The following TBC1D22A variants were observed in gnomAD, a reference collection of about 807,000 sequenced individuals.
The protein encoded by TBC1D22A is putative GTPase activator.
TBC1D22A carries 38 observed loss-of-function variants against 60.2 expected under a neutral mutation model. The observed-to-expected ratio is 0.63, with a 90% CI of 0.49 to 0.83. The LOEUF (loss-of-function observed/expected upper bound fraction) is 0.83, where lower values mean the gene tolerates loss of function less well. Ranked by LOEUF, TBC1D22A falls within the 40% of genes least tolerant of loss-of-function variation. The pLI, the probability that TBC1D22A is intolerant of heterozygous loss-of-function variation, is 0.00. For synonymous variants in TBC1D22A, 302 were observed against 281.7 expected, an observed-to-expected ratio of 1.07 and a Z score of -0.72; for missense variants, 628 against 701.0, an observed-to-expected ratio of 0.90 and a Z score of 1.18.
intron 11 of TBC1D22A, among the ~76,000 whole-genome samples, chr22:47,049,287 C>T (rs1032583438): frequency 6.6e-5 from 10 of 152,338 alleles, no homozygotes; most frequent in Non-Finnish European, 1.3e-4. Context: ...CTGGGCGAAC[C>T]TCTTGGTACT....
At chr22:46,790,224 C>T (rs1469701673) in intron 1 of TBC1D22A, among the ~76,000 whole-genome samples, 3 of 152,256 alleles carry the variant, frequency 2.0e-5, no homozygotes, top group African/African-American at 7.2e-5. Flanking sequence ...GCCCACGTTC[C>T]TTGGCATACA....
chr22:47,125,031 C>G (rs968973472), intron 12 of TBC1D22A, among the ~76,000 whole-genome samples: 2 of 152,042 alleles, frequency 1.3e-5, no homozygotes, highest in African/African-American at 4.8e-5. Flanking sequence ...GGGAGGCAGC[C>G]TTCATGCTGA....
At chr22:46,938,352 G>C (rs2071781514) in intron 8 of TBC1D22A, among the ~76,000 whole-genome samples, 1 of 152,194 alleles carries the variant, frequency 6.6e-6, no homozygotes, top group Admixed American at 6.5e-5. Context: ...AGGAGCAACA[G>C]GCTATACCAT....
At chr22:47,061,961 G>A (rs775738696) in intron 11 of TBC1D22A, among the ~76,000 whole-genome samples, 28 of 152,026 alleles carry the variant, frequency 1.8e-4, no homozygotes, top group Non-Finnish European at 2.9e-4. Context: ...GGTGGTGCAT[G>A]CCAGTGATCC....
chr22:47,037,224 C>T, intron 11 of TBC1D22A, 26 bp downstream of exon 11: 9 of 1,610,452 alleles, frequency 5.6e-6, no homozygotes, highest in Non-Finnish European at 5.9e-6. Context: ...CACCCTCCGC[C>T]ATGGGGGTGC....
intron 4 of TBC1D22A, among the ~76,000 whole-genome samples, chr22:46,850,631 A>C (rs1404771325): frequency 6.6e-6 from 1 of 152,248 alleles, no homozygotes; most frequent in Admixed American, 6.5e-5. Context: ...TTCCTCAAAC[A>C]GTTCAACATA....
chr22:46,876,785 C>T (rs933487650), intron 4 of TBC1D22A, among the ~76,000 whole-genome samples: 18 of 152,338 alleles, frequency 1.2e-4, no homozygotes, highest in African/African-American at 4.3e-4. Context: ...GTTCAGCTGC[C>T]TCTGGGCTGA....
chr22:46,865,845 C>T (rs2067028101), intron 4 of TBC1D22A, among the ~76,000 whole-genome samples: 1 of 152,112 alleles, frequency 6.6e-6, no homozygotes, highest in Non-Finnish European at 1.5e-5. Context: ...CTGTAGATAC[C>T]CCTCTGAGTA....
rs146425965 is a variant in TBC1D22A, at chr22:46,877,383, G to T, written c.638-1270G>T. On this transcript the variant is annotated intron_variant, in intron 4 of 12. Coordinates refer to ENST00000337137, the MANE Select transcript of TBC1D22A (RefSeq NM_014346.5). ...AGAGGTTCAGAGAACATTAACGAAT[G>T]AGTTTCCTCTCAGCTTTTTCTCGTA... Among the ~76,000 whole-genome samples, 241 of 152,318 alleles carry T rather than the reference G, an allele frequency of 1.6e-3. 1 individual carries two copies. The highest frequency in any genetic ancestry group is 5.5e-3 in the African/African-American group (230 of 41,592).
At chr22:46,872,353 A>G (rs887120759) in intron 4 of TBC1D22A, among the ~76,000 whole-genome samples, 2 of 152,230 alleles carry the variant, frequency 1.3e-5, no homozygotes, top group African/African-American at 2.4e-5. Context: ...TTACAAAGAC[A>G]TTATAAGAAA....
Position 46,904,145 on chromosome 22 carries a change from A to ATCTATCTATCTATCTG in TBC1D22A, c.901-7929_901-7928insTCTATCTATCTATCTG, listed in dbSNP as rs1555937547. ...TATCTATCTATCTATCTATCTATCT[A>ATCTATCTATCTATCTG]CCTACCTACCTACCTACCTACCTAC... On this transcript the variant is annotated intron_variant, in intron 7 of 12. Coordinates refer to ENST00000337137, the MANE Select transcript of TBC1D22A (RefSeq NM_014346.5). Among the ~76,000 whole-genome samples, 9 of 75,556 alleles carry ATCTATCTATCTATCTG rather than the reference A, an allele frequency of 1.2e-4. 1 individual carries two copies. The highest frequency in any genetic ancestry group is 3.9e-4 in the African/African-American group (8 of 20,650). 49.6% of individuals were successfully genotyped at this position (75,556 alleles called of 152,430 possible).
chr22:46,845,932 G>A (rs938217384), intron 4 of TBC1D22A, among the ~76,000 whole-genome samples: 2 of 152,266 alleles, frequency 1.3e-5, no homozygotes, highest in Non-Finnish European at 2.9e-5. Context: ...CCTTGCTGCA[G>A]TCGGCCCGCA....
rs949861949 is a variant in TBC1D22A, at chr22:46,934,352, G to A, written c.1015+22164G>A. Among the ~76,000 whole-genome samples the A allele has an allele frequency of 5.3e-5, 8 of 152,222 alleles. 1 individual carries two copies. Among genetic ancestry groups the A allele is most frequent in the South Asian group, 4.1e-4 (2 of 4,826 alleles). On this transcript the variant is annotated intron_variant, in intron 8 of 12. Transcript: ENST00000337137. ...AACCTCGGTTACATTCTCAGCCTTC[G>A]TGCTCTGGGGTGTGTGGTACGCGTG...
intron 8 of TBC1D22A, among the ~76,000 whole-genome samples, chr22:46,929,212 A>T (rs1346314987): frequency 1.3e-5 from 2 of 152,158 alleles, no homozygotes; most frequent in Non-Finnish European, 2.9e-5. Context: ...CTGCTTTTTC[A>T]CTGTTGATAA....
intron 11 of TBC1D22A, among the ~76,000 whole-genome samples, chr22:47,058,672 G>T (rs1045940971): frequency 6.6e-6 from 1 of 152,102 alleles, no homozygotes; most frequent in African/African-American, 2.4e-5. Flanking sequence ...GAGATGTCCA[G>T]GTGGACAGGC....
chr22:46,893,353 A>G lies in TBC1D22A; in HGVS notation c.838-1431A>G, dbSNP rs34995614. 5.3e-5 allele frequency among the ~76,000 whole-genome samples: 8 copies of G among 151,854 alleles called. No homozygotes were observed. The East Asian group carries it at 1.2e-3, about 22-fold the overall frequency. On this transcript the variant is annotated intron_variant, in intron 6 of 12. Transcript: ENST00000337137. ...CTGTGTATGATGGGAGGCAGGCGGG[A>G]TGGATGGAGGGGTGCACAGAGCCCC...
At chr22:47,111,634 G>A (rs770795617) in intron 12 of TBC1D22A, 31 bp downstream of exon 12, 51 of 1,590,518 alleles carry the variant, frequency 3.2e-5, no homozygotes, top group African/African-American at 1.3e-5. Flanking sequence ...AAGAACCCAA[G>A]TTTGATTTTC....
At chr22:46,886,244 G>T (rs539164691) in intron 5 of TBC1D22A, among the ~76,000 whole-genome samples, 32 of 152,310 alleles carry the variant, frequency 2.1e-4, no homozygotes, top group African/African-American at 7.0e-4. Flanking sequence ...TTGGAATACT[G>T]CTATTTCCTC....
intron 12 of TBC1D22A, among the ~76,000 whole-genome samples, chr22:47,167,757 C>T (rs1043129327): frequency 2.0e-5 from 3 of 152,026 alleles, no homozygotes; most frequent in African/African-American, 7.2e-5. Context: ...GGAAAAAGCA[C>T]CATTCGATTG....
Sources: allele counts gnomAD v4.1 joint callset (sites outside exome capture counted in the v4.1 genomes callset), GRCh38; gene constraint gnomAD v4.1.1; transcripts MANE v1.5; gene names NCBI Gene and HGNC (gene_info 2026-07-23, HGNC 2026-07-21).